SF3B1: variants seen among roughly 807,000 people sequenced by gnomAD.
The protein encoded by SF3B1 is pre-mRNA processing 10.
In SF3B1, 12 loss-of-function variants were observed where a neutral mutation model predicts 153.8. The observed-to-expected ratio is 0.08, with a 90% CI of 0.05 to 0.13. The LOEUF (loss-of-function observed/expected upper bound fraction) is 0.13. Among genes scored for constraint, SF3B1 ranks in the 10% least tolerant of loss-of-function variants. The probability of loss-of-function intolerance (pLI) is 1.00; values close to 1 mark genes in which losing one functional copy is unlikely to be tolerated. For missense variants in SF3B1, 513 were observed against 1,606.1 expected, an observed-to-expected ratio of 0.32 and a Z score of 11.63; for synonymous variants, 498 against 525.2, an observed-to-expected ratio of 0.95 and a Z score of 0.71.
rs148463628 is a variant in SF3B1, at chr2:197,432,478, C to A, written c.28+2494G>T. Reference sequence around the variant, plus strand: ...TTATCTGATTTGAGTAATTCCAGTTCTTTTTATATTTCAATCCTGGAAAGC... The same window carrying A: ...TTATCTGATTTGAGTAATTCCAGTTATTTTTATATTTCAATCCTGGAAAGC... On this transcript the variant is annotated intron_variant, in intron 1 of 24. Coordinates refer to ENST00000335508, the MANE Select transcript of SF3B1 (RefSeq NM_012433.4). 2.9e-3 allele frequency among the ~76,000 whole-genome samples: 435 copies of A among 152,326 alleles called. 2 individuals are homozygous for A. Among genetic ancestry groups the A allele is most frequent in the Middle Eastern group, 0.017 (5 of 294 alleles).
Position 197,416,875 on chromosome 2 carries a change from C to G in SF3B1, c.532G>C (p.Ala178Pro). 1 of 1,613,552 alleles carries G rather than the reference C, an allele frequency of 6.2e-7. No homozygotes were observed. The highest frequency in any genetic ancestry group is 8.5e-7 in the Non-Finnish European group (1 of 1,179,752). ...CCATTGACGACTTTTAGTTCTCCAG[C>G]TTTAGCTTTTTCTGCTAGCTGTTGC... ...IRQQLAEKAK[A>P]GELKVVNGAA... Residue 178 changes from alanine (A) to proline (P), a missense_variant, in exon 6 of 25, where the codon GCT (alanine) becomes CCT (proline). This residue lies in a region of SF3B1 where 45 missense variants were observed against 65.5 expected (regional missense o/e 0.69). Transcript: ENST00000335508.
Position 197,402,257 on chromosome 2 carries a change from AG to A in SF3B1, c.2078-128del, listed in dbSNP as rs2105985934. The A allele has an allele frequency of 9.1e-7, 1 of 1,104,950 alleles. No homozygotes were observed. The highest frequency in any genetic ancestry group is 1.6e-5 in the African/African-American group (1 of 63,304). The allele number at this position is 1,104,950 out of a possible 1,614,324, so 68.4% of individuals were successfully genotyped here. A position where few individuals can be genotyped will look rare whatever the true frequency, so the allele number is the denominator to read the frequency against. Reference sequence around the variant, plus strand: ...GAATATGTTCACATTAAACAAAATTAGGTAAAAGCAAAACATGAACCATAGC... The same window carrying A: ...GAATATGTTCACATTAAACAAAATTAGTAAAAGCAAAACATGAACCATAGC... On this transcript the variant is annotated intron_variant, in intron 14 of 24. Transcript: ENST00000335508. The surrounding 1 kb of genome is among the most constrained non-coding windows in gnomAD (Gnocchi z 4.6).
In SF3B1 at chr2:197,405,426, C is replaced by T. The variant is rs1421809024; in HGVS notation, c.1286G>A (p.Arg429Gln). The part of the protein sequence containing the change: ...AGYVPIRTPA[R>Q]KLTATPTPLG... Reference sequence around the variant, plus strand: ...AGGTGTTGGAGTAGCTGTCAGCTTTCGAGCTGGAGTTCGAATAGGAACATA... The same window carrying T: ...AGGTGTTGGAGTAGCTGTCAGCTTTTGAGCTGGAGTTCGAATAGGAACATA... The change falls in exon 10 of 25, where the codon CGA becomes CAA. Residue 429 changes from arginine (R) to glutamine (Q), a missense_variant. Physicochemically the swap from Arg to Gln is conservative, Grantham distance 43. This residue lies in a region of SF3B1 where 15 missense variants were observed against 94.8 expected (regional missense o/e 0.16). Coordinates refer to ENST00000335508, the MANE Select transcript of SF3B1 (RefSeq NM_012433.4). 1 of 1,613,720 alleles carries T rather than the reference C, an allele frequency of 6.2e-7. No individual in the cohort carries two copies. Among genetic ancestry groups the T allele is most frequent in the Non-Finnish European group, 8.5e-7 (1 of 1,179,900 alleles).
intron 24 of SF3B1, among the ~76,000 whole-genome samples, 174 bp from the exon 25 acceptor site, chr2:197,392,635 C>T (rs1283273674): frequency 6.6e-6 from 1 of 150,880 alleles, no homozygotes; most frequent in Admixed American, 6.6e-5. Context: ...AAACTCACTC[C>T]CCTGTCACCA....
At chr2:197,421,204 G>A (rs2085236779) in intron 2 of SF3B1, 71 bp from the exon 3 acceptor site, 2 of 968,632 alleles carry the variant, frequency 2.1e-6, no homozygotes, top group Admixed American at 3.8e-5. Context: ...AATATGCAAA[G>A]ATTCAAAATG....
rs992358270 is a variant in SF3B1 at position 197,408,698 on chromosome 2, T to C, written c.905-117A>G. The C allele has an allele frequency of 8.2e-6, 6 of 734,304 alleles. No homozygotes were observed. In the African/African-American group the frequency reaches 8.8e-5, roughly 11 times the overall value. The allele number at this position is 734,304 out of a possible 1,614,324, so 45.5% of individuals were successfully genotyped here. A position where few individuals can be genotyped will look rare whatever the true frequency, so the allele number is the denominator to read the frequency against. ...GTTCTAAAATAGAATATTCCTAAAA[T>C]GGTGACCCATTTAAAGTTGTTTGAG... On this transcript the variant is annotated intron_variant, in intron 7 of 24. Transcript: ENST00000335508.
chr2:197,394,846 A>G (rs2084856998), intron 23 of SF3B1, among the ~76,000 whole-genome samples: 1 of 152,144 alleles, frequency 6.6e-6, no homozygotes, highest in African/African-American at 2.4e-5. Flanking sequence ...CAGAGGTTGC[A>G]GTATGCCGAG....
At position 197,400,697 on chromosome 2, in the gene SF3B1, C is replaced by CA. The variant is rs760608360; in HGVS notation, c.2718+17dup. On this transcript the variant is annotated intron_variant, in intron 18 of 24. Transcript: ENST00000335508. The surrounding 1 kb of genome is among the most constrained non-coding windows in gnomAD (Gnocchi z 5.0). ...AATATTAAAGTTAGTAGCAATGTGCCATAATAGTTTTCATTACCTCTGTAG... is the reference window on the plus strand; with the variant it reads ...AATATTAAAGTTAGTAGCAATGTGCCAATAATAGTTTTCATTACCTCTGTAG... 43 of 1,514,578 alleles carry CA rather than the reference C, an allele frequency of 2.8e-5. No individual in the cohort carries two copies. The East Asian group carries it at 9.7e-4, about 34-fold the overall frequency. The allele number at this position is 1,514,578 out of a possible 1,614,324, so 93.8% of individuals were successfully genotyped here.
At chr2:197,416,437 G>A (rs576152203) in intron 6 of SF3B1, among the ~76,000 whole-genome samples, 1 of 152,186 alleles carries the variant, frequency 6.6e-6, no homozygotes, top group Non-Finnish European at 1.5e-5. Flanking sequence ...GGTCAAATGG[G>A]GTCATGAGGG....
Position 197,409,886 on chromosome 2 carries a change from G to C in SF3B1, c.788C>G (p.Ala263Gly), listed in dbSNP as rs139577219. 6 of 1,613,994 alleles carry C rather than the reference G, an allele frequency of 3.7e-6. No individual in the cohort carries two copies. In the Admixed American group the frequency reaches 6.7e-5, roughly 18 times the overall value. The change falls in exon 7 of 25, where the codon GCG becomes GGG. Residue 263 changes from alanine to glycine, a missense_variant. By Grantham distance (60) the Ala-to-Gly change is moderately conservative (BLOSUM62 0). This residue lies in a region of SF3B1 where 91 missense variants were observed against 157.4 expected (regional missense o/e 0.58). Transcript: ENST00000335508. ...IWDPTPSHTP[A>G]GAATPGRGDT... is the part of the protein sequence containing the mutation. ...ACCTCGTCCAGGAGTAGCAGCTCCC[G>C]CTGGTGTGTGGCTAGGTGTAGGATC...
chr2:197,424,362 G>C (rs567436890), intron 1 of SF3B1, among the ~76,000 whole-genome samples: 1 of 152,236 alleles, frequency 6.6e-6, no homozygotes, highest in East Asian at 1.9e-4. Context: ...GTAGCTGGGC[G>C]TGGGGGCATG....
rs2084896329 is a variant in SF3B1 at position 197,398,012 on chromosome 2, G to A, written c.3239C>T (p.Thr1080Ile). 6.2e-7 allele frequency: 1 copy of A among 1,613,506 alleles called. No homozygotes were observed. The highest frequency in any genetic ancestry group is 1.3e-5 in the African/African-American group (1 of 74,992). Residue 1080 changes from threonine to isoleucine, a missense_variant, in exon 22 of 25, where the codon ACA becomes ATA. Thr to Ile is a moderately conservative substitution (Grantham distance 89). Coordinates refer to ENST00000335508, the MANE Select transcript of SF3B1 (RefSeq NM_012433.4). ...KKAIRRATVNTFGYIAKAIGP... is the reference protein window; with the variant it reads ...KKAIRRATVNIFGYIAKAIGP... Reference sequence around the variant, plus strand: ...AATGGCCTTTGCAATATAACCAAATGTGTTGACTGTGGCTCTACGAATAGC... The same window carrying A: ...AATGGCCTTTGCAATATAACCAAATATGTTGACTGTGGCTCTACGAATAGC...
In SF3B1 at chr2:197,418,491, G is replaced by A. The variant is rs1237138247; in HGVS notation, c.495+18C>T. 6 of 1,566,416 alleles carry A rather than the reference G, an allele frequency of 3.8e-6. No individual in the cohort carries two copies. Among genetic ancestry groups the A allele is most frequent in the Non-Finnish European group, 5.3e-6 (6 of 1,141,152 alleles). On this transcript the variant is annotated intron_variant, in intron 5 of 24. Coordinates refer to ENST00000335508, the MANE Select transcript of SF3B1 (RefSeq NM_012433.4). ...ATATTCTTTCACAACCATTAAAACA[G>A]GAGACAGGTTTACATACTTCTTCTT...
At chr2:197,407,342 C>T (rs1029413171) in intron 9 of SF3B1, among the ~76,000 whole-genome samples, 7 of 151,966 alleles carry the variant, frequency 4.6e-5, no homozygotes, top group Non-Finnish European at 8.8e-5. Flanking sequence ...CGGTAACTCA[C>T]GCCTGTAATC....
At chr2:197,420,112 T>C (rs1266841059) in intron 4 of SF3B1, 2 of 298,996 alleles carry the variant, frequency 6.7e-6, no homozygotes, top group African/African-American at 2.1e-5. Flanking sequence ...TGAAAGTATT[T>C]TGAGCAGAAA....
intron 1 of SF3B1, among the ~76,000 whole-genome samples, chr2:197,429,507 G>A (rs1013280402): frequency 1.7e-4 from 26 of 152,086 alleles, no homozygotes; most frequent in Non-Finnish European, 3.1e-4. Context: ...AAGGCAGGCC[G>A]GCACGGTGGC....
chr2:197,395,958 T>C (rs1169581036), intron 23 of SF3B1, 98 bp downstream of exon 23: 1 of 1,066,990 alleles, frequency 9.4e-7, no homozygotes, highest in Non-Finnish European at 1.4e-6. Context: ...TTTCTTTAAC[T>C]ATGTTACAGT....
chr2:197,408,207 CTAT>C (rs1463144028), intron 8 of SF3B1, 88 bp from the exon 9 acceptor site: 12 of 1,323,422 alleles, frequency 9.1e-6, no homozygotes, highest in South Asian at 5.3e-5. Flanking sequence ...AAGATCAATC[CTAT>C]TATTTGCTTT....
At chr2:197,434,850 G>GA in intron 1 of SF3B1, 122 bp downstream of exon 1, 1 of 1,054,972 alleles carries the variant, frequency 9.5e-7, no homozygotes, top group Non-Finnish European at 1.4e-6. Context: ...GACGACCCTT[G>GA]GCCCCGAAAC....
Sources: allele counts gnomAD v4.1 joint callset (sites outside exome capture counted in the v4.1 genomes callset), GRCh38; gene constraint gnomAD v4.1.1; regional missense constraint gnomAD v4.1.1; non-coding constraint Gnocchi (gnomAD v3.1); transcripts MANE v1.5; gene names NCBI Gene and HGNC (gene_info 2026-07-23, HGNC 2026-07-21).